Variants in RARB observed in about 807,000 individuals in gnomAD.
RARB encodes the protein retinoic acid receptor beta.
RARB carries 17 observed loss-of-function variants against 51.9 expected under a neutral mutation model. The observed-to-expected ratio is 0.33, with a 90% CI of 0.22 to 0.49. The LOEUF (loss-of-function observed/expected upper bound fraction) is 0.49. Ranked by LOEUF, RARB falls within the 20% of genes least tolerant of loss-of-function variation. The pLI, the probability that RARB is intolerant of heterozygous loss-of-function variation, is 0.99. For missense variants in RARB, 369 were observed against 550.8 expected, an observed-to-expected ratio of 0.67 and a Z score of 3.30; for synonymous variants, 215 against 195.4, an observed-to-expected ratio of 1.10 and a Z score of -0.84.
At chr3:25,203,925 A>T (rs1248593146) in intron 5 of RARB, among the ~76,000 whole-genome samples, 1 of 152,030 alleles carries the variant, frequency 6.6e-6, no homozygotes, top group African/African-American at 2.4e-5. Context: ...GCTCTTCTTG[A>T]GGAGTATCTT....
At chr3:25,230,081 T>G (rs1401309472) in intron 5 of RARB, among the ~76,000 whole-genome samples, 3 of 152,050 alleles carry the variant, frequency 2.0e-5, no homozygotes, top group East Asian at 3.9e-4. Context: ...TATACTGAAG[T>G]TTTAGCCTAG....
intron 2 of RARB, among the ~76,000 whole-genome samples, chr3:24,922,220 A>G (rs6779838): frequency 0.62 from 93,621 of 152,162 alleles, 30,940 homozygotes; most frequent in African/African-American, 0.86. Flanking sequence ...ATAAACCTGT[A>G]AAATGGAGAT....
chr3:25,131,270 C>T lies in RARB; in HGVS notation c.-327-891C>T, dbSNP rs551082292. 9.9e-5 allele frequency among the ~76,000 whole-genome samples: 15 copies of T among 152,088 alleles called. No individual in the cohort carries two copies. In the East Asian group the frequency reaches 2.1e-3, roughly 22 times the overall value. On this transcript the variant is annotated intron_variant, in intron 3 of 11. Coordinates refer to the RARB transcript ENST00000383772. ...ACATGACTCAGTTAAGGTTTACTGG[C>T]TTCCCCTGAGTTCCTAATCATTTTG...
At chr3:24,962,470 AACTACTAC>A (rs747693883) in intron 2 of RARB, among the ~76,000 whole-genome samples, 33 of 152,138 alleles carry the variant, frequency 2.2e-4, no homozygotes, top group Non-Finnish European at 3.8e-4. Flanking sequence ...CTGGCTTAAA[AACTACTAC>A]ACTAAATCAG....
chr3:25,541,768 C>T (rs747778625), intron 3 of RARB, among the ~76,000 whole-genome samples: 13 of 152,152 alleles, frequency 8.5e-5, no homozygotes, highest in Non-Finnish European at 1.8e-4. Flanking sequence ...GTGTAAATAT[C>T]CTCCTCTTTA....
chr3:25,548,270 CACTG>C (rs1039973219), intron 3 of RARB, among the ~76,000 whole-genome samples: 5 of 152,082 alleles, frequency 3.3e-5, no homozygotes, highest in Non-Finnish European at 7.4e-5. Flanking sequence ...GATTTAAACA[CACTG>C]GCTCCAGATT....
At chr3:25,044,198 C>CA (rs1403585140) in intron 2 of RARB, among the ~76,000 whole-genome samples, 1 of 152,192 alleles carries the variant, frequency 6.6e-6, no homozygotes, top group Admixed American at 6.5e-5. Context: ...AAATGCCTCA[C>CA]ATTTTCCTTT....
At chr3:25,415,891 C>A (rs1253806372) in intron 5 of RARB, among the ~76,000 whole-genome samples, 1 of 152,078 alleles carries the variant, frequency 6.6e-6, no homozygotes, top group African/African-American at 2.4e-5. Context: ...TGGGTTGCTA[C>A]CATTGAAGAG....
chr3:25,226,538 G>A (rs1702060529), intron 5 of RARB, among the ~76,000 whole-genome samples: 1 of 152,064 alleles, frequency 6.6e-6, no homozygotes, highest in South Asian at 2.1e-4. Context: ...CTACAAACCT[G>A]CCAATCCTAA....
intron 2 of RARB, among the ~76,000 whole-genome samples, chr3:25,498,169 T>G (rs1697131093): frequency 6.6e-6 from 1 of 152,138 alleles, no homozygotes; most frequent in Admixed American, 6.5e-5. Context: ...AGATAAATGG[T>G]TTCCACTTTA....
intron 2 of RARB, among the ~76,000 whole-genome samples, chr3:24,930,821 C>T (rs1486260439): frequency 1.3e-5 from 2 of 151,984 alleles, no homozygotes; most frequent in Non-Finnish European, 2.9e-5. Flanking sequence ...CCAGACTGGG[C>T]AACATAGTGA....
rs556223982 is a variant in RARB at position 25,467,462 on chromosome 3, G to A, written c.306+6121G>A. On this transcript the variant is annotated intron_variant, in intron 2 of 7. Transcript: ENST00000330688. ...ATTAGCCTAGCCTAGGCTTCTTCACGTGGTGGATGGGTTCCCATCAGTAAG... is the reference window on the plus strand; with the variant it reads ...ATTAGCCTAGCCTAGGCTTCTTCACATGGTGGATGGGTTCCCATCAGTAAG... Among the ~76,000 whole-genome samples, 10 of 144,648 alleles carry A rather than the reference G, an allele frequency of 6.9e-5. 1 individual carries two copies. The highest frequency in any genetic ancestry group is 2.1e-4 in the East Asian group (1 of 4,720). 94.9% of individuals were successfully genotyped at this position (144,648 alleles called of 152,430 possible).
intron 2 of RARB, among the ~76,000 whole-genome samples, chr3:24,933,502 G>T (rs979040000): frequency 1.3e-5 from 2 of 151,890 alleles, no homozygotes; most frequent in Non-Finnish European, 2.9e-5. Context: ...AGTGACTCTC[G>T]CCCTTCAGAG....
At chr3:25,528,894 C>G (rs1160345235) in intron 3 of RARB, among the ~76,000 whole-genome samples, 3 of 152,046 alleles carry the variant, frequency 2.0e-5, no homozygotes, top group African/African-American at 7.2e-5. Context: ...CTCATCTTTG[C>G]AAGTTAGCAT....
chr3:25,008,715 A>G (rs1229827910), intron 2 of RARB, among the ~76,000 whole-genome samples: 8 of 152,092 alleles, frequency 5.3e-5, no homozygotes, highest in Non-Finnish European at 1.2e-4. Context: ...GTCTGTTCCC[A>G]GTCAGTCCAT....
At chr3:25,325,083 G>A (rs1019092528) in intron 5 of RARB, among the ~76,000 whole-genome samples, 1 of 152,174 alleles carries the variant, frequency 6.6e-6, no homozygotes, top group Non-Finnish European at 1.5e-5. Context: ...CTTAGTTATT[G>A]CTTGATTATA....
intron 2 of RARB, among the ~76,000 whole-genome samples, chr3:24,995,914 A>C (rs1697027840): frequency 2.0e-5 from 3 of 151,954 alleles, no homozygotes. Context: ...TCTGGTTTGT[A>C]GTTTTCTTTA....
At chr3:25,276,929 G>A (rs143458322) in intron 5 of RARB, among the ~76,000 whole-genome samples, 143 of 152,266 alleles carry the variant, frequency 9.4e-4, no homozygotes, top group African/African-American at 3.1e-3. Context: ...TCTAGGACTG[G>A]TCATCTTATC....
intron 3 of RARB, among the ~76,000 whole-genome samples, chr3:25,103,861 CCTT>C (rs1699449585): frequency 6.6e-6 from 1 of 152,114 alleles, no homozygotes; most frequent in Non-Finnish European, 1.5e-5. Context: ...TTGATAATCT[CCTT>C]CTGGTCAATA....
Sources: allele counts gnomAD v4.1 joint callset (sites outside exome capture counted in the v4.1 genomes callset), GRCh38; gene constraint gnomAD v4.1.1; transcripts MANE v1.5; gene names NCBI Gene and HGNC (gene_info 2026-07-23, HGNC 2026-07-21).